SLC1A3: variants seen among roughly 807,000 people sequenced by gnomAD.
SLC1A3 encodes the protein excitatory amino acid transporter 1.
SLC1A3 carries 21 observed loss-of-function variants against 48.1 expected under a neutral mutation model. That is an observed-to-expected ratio of 0.44 (90% CI 0.31 to 0.63). The LOEUF is 0.63. Ranked by LOEUF, SLC1A3 falls within the 20% of genes least tolerant of loss-of-function variation. The probability of loss-of-function intolerance (pLI) is 0.08; values close to 1 mark genes in which losing one functional copy is unlikely to be tolerated. For synonymous variants in SLC1A3, 239 were observed against 251.4 expected (o/e 0.95, Z 0.47); for missense variants, 546 against 689.0 (o/e 0.79, Z 2.32).
intron 5 of SLC1A3, among the ~76,000 whole-genome samples, chr5:36,676,472 C>T (rs1742211248): frequency 1.3e-5 from 2 of 152,048 alleles, no homozygotes; most frequent in South Asian, 4.1e-4. Context: ...GCATGATCCC[C>T]ACAGAAAAGA....
chr5:36,684,145 C>G (rs746858948), intron 9 of SLC1A3, 147 bp downstream of exon 9: 125 of 1,044,364 alleles, frequency 1.2e-4, no homozygotes, highest in Non-Finnish European at 1.4e-4. Flanking sequence ...TATTGTCTGA[C>G]CCCTGGTCCT....
At chr5:36,601,087 C>A (rs1738802826) in intron 1 of SLC1A3, among the ~76,000 whole-genome samples, 1 of 152,312 alleles carries the variant, frequency 6.6e-6, no homozygotes, top group African/African-American at 2.4e-5. Flanking sequence ...CTATAATAGT[C>A]GTTTCTGTGA....
At chr5:36,661,754 C>T (rs1340087585) in intron 3 of SLC1A3, among the ~76,000 whole-genome samples, 1 of 152,172 alleles carries the variant, frequency 6.6e-6, no homozygotes, top group African/African-American at 2.4e-5. Context: ...TTCTATGAGG[C>T]TTTCATTTCA....
chr5:36,678,531 C>T (rs761576348), intron 6 of SLC1A3, among the ~76,000 whole-genome samples: 1 of 152,172 alleles, frequency 6.6e-6, no homozygotes, highest in Non-Finnish European at 1.5e-5. Flanking sequence ...GATTTCCTGG[C>T]CTGGGTTCTT....
At chr5:36,664,691 A>T (rs915366956) in intron 3 of SLC1A3, among the ~76,000 whole-genome samples, 4 of 152,130 alleles carry the variant, frequency 2.6e-5, no homozygotes, top group Admixed American at 1.3e-4. Context: ...TACTAAATTG[A>T]CTTCATGAAG....
At chr5:36,626,799 T>G (rs1395671776) in intron 2 of SLC1A3, among the ~76,000 whole-genome samples, 1 of 152,250 alleles carries the variant, frequency 6.6e-6, no homozygotes, top group Non-Finnish European at 1.5e-5. Context: ...CTATAAGTTA[T>G]GGATACTGCT....
intron 3 of SLC1A3, among the ~76,000 whole-genome samples, chr5:36,646,680 CTA>C (rs1208953049): frequency 9.2e-5 from 14 of 152,144 alleles, no homozygotes; most frequent in Non-Finnish European, 1.8e-4. Context: ...AAGTTCATGT[CTA>C]TAACAATAAT....
Position 36,608,393 on chromosome 5 carries a change from C to T in SLC1A3, c.-31C>T, listed in dbSNP as rs747161088. 6.2e-7 allele frequency: 1 copy of T among 1,610,404 alleles called. No homozygotes were observed. Among genetic ancestry groups the T allele is most frequent in the Admixed American group, 1.7e-5 (1 of 59,956 alleles). ...TGGGTGATTCCCAGACACTGAAGTG[C>T]AAAGAAGAGACCCTCCTAGAAAAGT... On this transcript the variant is annotated 5_prime_UTR_variant, in exon 2 of 10. Transcript: ENST00000265113.
At chr5:36,676,752 A>G (rs1414039541) in intron 5 of SLC1A3, 140 bp from the exon 6 acceptor site, 4 of 665,774 alleles carry the variant, frequency 6.0e-6, no homozygotes, top group Non-Finnish European at 1.0e-5. Context: ...TTAAAGAGAG[A>G]GAGAGACTTT....
chr5:36,681,596 C>T (rs1457019256), intron 8 of SLC1A3, among the ~76,000 whole-genome samples: 2 of 152,174 alleles, frequency 1.3e-5, no homozygotes, highest in Non-Finnish European at 2.9e-5. Flanking sequence ...CATACCTTCC[C>T]CCCATCTCTT....
rs1316952869 is a variant in SLC1A3 at position 36,629,553 on chromosome 5, G to T, written c.285G>T (p.Leu95=). 2 of 1,612,568 alleles carry T rather than the reference G, an allele frequency of 1.2e-6. No homozygotes were observed. Among genetic ancestry groups the T allele is most frequent in the South Asian group, 1.1e-5 (1 of 91,048 alleles). The part of the protein sequence containing the change: ...GELLMRMLQM[L]VLPLIISSLV... Reference sequence around the variant, plus strand: ...TTCTGATGAGGATGTTACAGATGCTGGTCTTACCACTTATCATCTCCAGTC... The same window carrying T: ...TTCTGATGAGGATGTTACAGATGCTTGTCTTACCACTTATCATCTCCAGTC... The change falls in exon 3 of 10, where the codon CTG becomes CTT. Residue 95 remains leucine (L), a synonymous_variant. Coordinates refer to ENST00000265113, the MANE Select transcript of SLC1A3 (RefSeq NM_004172.5).
intron 2 of SLC1A3, among the ~76,000 whole-genome samples, chr5:36,614,593 G>T (rs1739354767): frequency 6.6e-6 from 1 of 152,160 alleles, no homozygotes; most frequent in Non-Finnish European, 1.5e-5. Flanking sequence ...AGTGGAGGGG[G>T]CGCCTGACAG....
rs532760640 is a variant in SLC1A3, at chr5:36,609,987, T to G, written c.181+1383T>G. 2.0e-5 allele frequency among the ~76,000 whole-genome samples: 3 copies of G among 152,228 alleles called. No homozygotes were observed. The South Asian group carries it at 6.2e-4, about 32-fold the overall frequency. ...TACTATTCCAGCTACTCTGTAGGAGTTTTGTTTATATTAGCTCACTTAATC... is the reference window on the plus strand; with the variant it reads ...TACTATTCCAGCTACTCTGTAGGAGGTTTGTTTATATTAGCTCACTTAATC... On this transcript the variant is annotated intron_variant, in intron 2 of 9. Coordinates refer to ENST00000265113, the MANE Select transcript of SLC1A3 (RefSeq NM_004172.5).
At chr5:36,604,909 G>GC (rs924807431), upstream of SLC1A3, among the ~76,000 whole-genome samples, 2 of 63,260 alleles carry the variant, frequency 3.2e-5, no homozygotes, top group Non-Finnish European at 6.6e-5. Context: ...AAAGCGGTGG[G>GC]GGGGGGGGGT....
At chr5:36,621,138 T>C (rs1437196206) in intron 2 of SLC1A3, among the ~76,000 whole-genome samples, 1 of 152,110 alleles carries the variant, frequency 6.6e-6, no homozygotes, top group East Asian at 1.9e-4. Flanking sequence ...ACTCCTGACC[T>C]CAGGTGATCC....
At chr5:36,676,575 C>T (rs1742215351) in intron 5 of SLC1A3, among the ~76,000 whole-genome samples, 1 of 152,128 alleles carries the variant, frequency 6.6e-6, no homozygotes, top group Non-Finnish European at 1.5e-5. Context: ...AAAGCACATG[C>T]ATGTGTTTAG....
At chr5:36,653,891 T>A (rs1293301184) in intron 3 of SLC1A3, among the ~76,000 whole-genome samples, 3 of 152,276 alleles carry the variant, frequency 2.0e-5, no homozygotes, top group Non-Finnish European at 4.4e-5. Flanking sequence ...TCGCCCAGAC[T>A]GGAGTGCAGT....
intron 4 of SLC1A3, 80 bp from the exon 5 acceptor site, chr5:36,673,969 C>T (rs1372719845): frequency 1.8e-6 from 2 of 1,122,360 alleles, no homozygotes; most frequent in Admixed American, 1.7e-5. Flanking sequence ...CAATCTTTAC[C>T]TTACACACAA....
chr5:36,673,925 AT>A lies in SLC1A3; in HGVS notation c.525-119del, dbSNP rs1253952854. 3.8e-6 allele frequency: 3 copies of A among 792,228 alleles called. No individual in the cohort carries two copies. The African/African-American group carries it at 5.1e-5, about 13-fold the overall frequency. The allele number at this position is 792,228 out of a possible 1,614,324, so 49.1% of individuals were successfully genotyped here. On this transcript the variant is annotated intron_variant, in intron 4 of 9. Coordinates refer to ENST00000265113, the MANE Select transcript of SLC1A3 (RefSeq NM_004172.5). Reference sequence around the variant, plus strand: ...TTTTCAAGCTGTAAAATCCACTAACATTTTTGTTTTTCCATTTGTTGCTTGG... The same window carrying A: ...TTTTCAAGCTGTAAAATCCACTAACATTTTGTTTTTCCATTTGTTGCTTGG...
Sources: allele counts gnomAD v4.1 joint callset (sites outside exome capture counted in the v4.1 genomes callset), GRCh38; gene constraint gnomAD v4.1.1; transcripts MANE v1.5; gene names NCBI Gene and HGNC (gene_info 2026-07-23, HGNC 2026-07-21).